SYNE1: variants seen among roughly 807,000 people sequenced by gnomAD.
SYNE1 encodes the protein spectrin repeat containing nuclear envelope protein 1.
A neutral mutation model predicts 1,111.0 loss-of-function variants in SYNE1; 616 were observed. That is an observed-to-expected ratio of 0.55 (90% CI 0.52 to 0.59). SYNE1 has a LOEUF of 0.59. SYNE1 is among the 20% of genes least tolerant of loss of function. The pLI is 0.00. For missense variants in SYNE1, 10,006 were observed against 10,417.0 expected (o/e 0.96, Z 1.72); for synonymous variants, 3,855 against 3,825.8 (o/e 1.01, Z -0.28).
In SYNE1 at chr6:152,628,418, A is replaced by G. The variant is rs2099690534; in HGVS notation, c.-87T>C. 7.7e-7 allele frequency: 1 copy of G among 1,296,468 alleles called. No homozygotes were observed. The highest frequency in any genetic ancestry group is 1.1e-6 in the Non-Finnish European group (1 of 891,810). The allele number at this position is 1,296,468 out of a possible 1,614,324, so 80.3% of individuals were successfully genotyped here. A position where few individuals can be genotyped will look rare whatever the true frequency, so the allele number is the denominator to read the frequency against. On this transcript the variant is annotated 5_prime_UTR_variant, in exon 3 of 146. Transcript: ENST00000367255. ...ACACCACTCTAGAAAACATGCTTGG[A>G]CTTTTCTAGATCTATTCTGTCATAA...
At chr6:152,194,492 G>A (rs1312852523) in intron 127 of SYNE1, among the ~76,000 whole-genome samples, 1 of 151,950 alleles carries the variant, frequency 6.6e-6, no homozygotes, top group Non-Finnish European at 1.5e-5. Context: ...AATCTTCTTT[G>A]GGTTAAATCT....
intron 128 of SYNE1, among the ~76,000 whole-genome samples, chr6:152,187,666 C>T (rs1446447062): frequency 1.3e-5 from 2 of 152,122 alleles, no homozygotes; most frequent in Admixed American, 1.3e-4. Context: ...GAAACATTTC[C>T]TTTATTCCTT....
At chr6:152,436,415 C>T (rs796921342) in intron 32 of SYNE1, among the ~76,000 whole-genome samples, 14 of 152,118 alleles carry the variant, frequency 9.2e-5, no homozygotes, top group Middle Eastern at 3.4e-3. Flanking sequence ...GATTTTCCTA[C>T]CTCAACCTCC....
chr6:152,349,966 T>A (rs1393573414), intron 72 of SYNE1, among the ~76,000 whole-genome samples: 1 of 152,166 alleles, frequency 6.6e-6, no homozygotes, highest in Non-Finnish European at 1.5e-5. Context: ...CCTCTTTCTT[T>A]TGTAAATTGC....
At chr6:152,351,899 C>A in intron 70 of SYNE1, 128 bp downstream of exon 70, 1 of 823,272 alleles carries the variant, frequency 1.2e-6, no homozygotes, top group South Asian at 1.5e-5. Context: ...CACTGGTCAG[C>A]TGCAGAACGG....
Position 152,242,235 on chromosome 6 carries a change from T to A in SYNE1, c.19893+5A>T. On this transcript the variant is annotated splice_donor_5th_base_variant and intron_variant, in intron 107 of 145. Transcript: ENST00000367255. ...TTCTCTCTATCACTCTTTTTTGTTA[T>A]GTACCTTATGTTTGTCAAGTAGTTG... The A allele has an allele frequency of 6.2e-7, 1 of 1,612,996 alleles. No homozygotes were observed. Among genetic ancestry groups the A allele is most frequent in the Non-Finnish European group, 8.5e-7 (1 of 1,178,962 alleles).
intron 129 of SYNE1, among the ~76,000 whole-genome samples, chr6:152,178,867 T>C (rs964530896): frequency 6.6e-6 from 1 of 151,894 alleles, no homozygotes; most frequent in African/African-American, 2.4e-5. Flanking sequence ...AAATCACTGA[T>C]TGTTCACAAG....
intron 6 of SYNE1, among the ~76,000 whole-genome samples, chr6:152,516,806 A>G (rs2099114464): frequency 6.6e-6 from 1 of 152,042 alleles, no homozygotes; most frequent in Non-Finnish European, 1.5e-5. Flanking sequence ...GGCTGATCTC[A>G]AACTCCAGGG....
At chr6:152,365,610 C>T (rs561488897) in intron 62 of SYNE1, among the ~76,000 whole-genome samples, 1 of 151,892 alleles carries the variant, frequency 6.6e-6, no homozygotes, top group African/African-American at 2.4e-5. Context: ...CAGGCATATG[C>T]TGCCATGGCC....
intron 3 of SYNE1, among the ~76,000 whole-genome samples, chr6:152,601,436 A>G (rs777092328): frequency 6.6e-6 from 1 of 152,230 alleles, no homozygotes; most frequent in Non-Finnish European, 1.5e-5. Flanking sequence ...TTAATTGGCA[A>G]TGCCATCGAG....
chr6:152,619,046 TCACACACA>T (rs56677340), intron 3 of SYNE1, among the ~76,000 whole-genome samples: 2 of 135,682 alleles, frequency 1.5e-5, no homozygotes, highest in South Asian at 2.3e-4. Flanking sequence ...GGTGTGAGAA[TCACACACA>T]CACACACACA....
chr6:152,138,830 G>A (rs2057728392), intron 140 of SYNE1, among the ~76,000 whole-genome samples: 1 of 152,158 alleles, frequency 6.6e-6, no homozygotes. Flanking sequence ...GCATTTTAGT[G>A]TCTGGGTTAA....
intron 3 of SYNE1, among the ~76,000 whole-genome samples, chr6:152,541,762 A>AAG (rs1221854491): frequency 4.3e-5 from 4 of 92,480 alleles, no homozygotes; most frequent in African/African-American, 7.9e-5. Flanking sequence ...AAAAAAAAAA[A>AAG]AAAGAAAAGA....
chr6:152,465,585 C>T, intron 17 of SYNE1, 125 bp from the exon 18 acceptor site: 2 of 844,786 alleles, frequency 2.4e-6, no homozygotes, highest in Non-Finnish European at 3.8e-6. Context: ...TCATTTCCAA[C>T]AAATATGACA....
chr6:152,619,749 A>C (rs2099671233), intron 3 of SYNE1, among the ~76,000 whole-genome samples: 1 of 152,118 alleles, frequency 6.6e-6, no homozygotes. Flanking sequence ...ACAAGTGTCC[A>C]AGATGGTACC....
rs1049094626 is a variant in SYNE1, at chr6:152,357,781, A to C, written c.10608+592T>G. On this transcript the variant is annotated intron_variant, in intron 66 of 145. Coordinates refer to ENST00000367255, the MANE Select transcript of SYNE1 (RefSeq NM_182961.4). ...AGTATCTGTACTGTATTAAGTATCCAGTAAATACTGAATGAGTAAATAAGT... is the reference window on the plus strand; with the variant it reads ...AGTATCTGTACTGTATTAAGTATCCCGTAAATACTGAATGAGTAAATAAGT... Among the ~76,000 whole-genome samples the C allele has an allele frequency of 2.0e-5, 3 of 152,238 alleles. No homozygotes were observed. The South Asian group carries it at 6.2e-4, about 31-fold the overall frequency.
chr6:152,277,821 C>G, intron 98 of SYNE1: 2 of 517,662 alleles, frequency 3.9e-6, no homozygotes, highest in Non-Finnish European at 7.1e-6. Context: ...TTCCTCTCCT[C>G]TCATTGTTAC....
chr6:152,255,719 G>T lies in SYNE1; in HGVS notation c.19132C>A (p.His6378Asn). Residue 6378 changes from histidine (H) to asparagine (N), a missense_variant, in exon 103 of 146, where the codon CAC becomes AAC. By Grantham distance (68) the His-to-Asn change is moderately conservative (BLOSUM62 1). This residue lies in a region of SYNE1 where 2,182 missense variants were observed against 2,287.8 expected (regional missense o/e 0.95). Transcript: ENST00000367255. ...QSGGAKRQSI[H>N]LEQKLYDGVS... ...CCATCATACAACTTCTGCTCCAAGTGTATACTCTGCCTCTTTGCCCCTCCA... is the reference window on the plus strand; with the variant it reads ...CCATCATACAACTTCTGCTCCAAGTTTATACTCTGCCTCTTTGCCCCTCCA... 1 of 1,614,162 alleles carries T rather than the reference G, an allele frequency of 6.2e-7. No homozygotes were observed. Among genetic ancestry groups the T allele is most frequent in the Non-Finnish European group, 8.5e-7 (1 of 1,180,028 alleles).
chr6:152,463,623 G>A, intron 18 of SYNE1, 106 bp from the exon 19 acceptor site: 1 of 972,618 alleles, frequency 1.0e-6, no homozygotes, highest in Non-Finnish European at 1.6e-6. Context: ...ACATTCATGT[G>A]AATTTTAAGA....
Sources: gnomAD v4.1 joint callset for allele counts (sites outside exome capture counted in the v4.1 genomes callset) on GRCh38, gnomAD v4.1.1 for gene constraint, gnomAD v4.1.1 regional missense constraint, MANE v1.5 for transcripts, NCBI Gene and HGNC (gene_info 2026-07-23, HGNC 2026-07-21) for gene names.